Variants in POU6F2 observed in about 807,000 individuals in gnomAD.
The protein encoded by POU6F2 is POU domain, class 6, transcription factor 2.
POU6F2 carries 31 observed loss-of-function variants against 71.3 expected under a neutral mutation model. That is an observed-to-expected ratio of 0.43 (90% confidence interval 0.33 to 0.59). The LOEUF (loss-of-function observed/expected upper bound fraction) is 0.59, where lower values mean the gene tolerates loss of function less well. Among genes scored for constraint, POU6F2 ranks in the 20% least tolerant of loss-of-function variants. The pLI is 0.04. For missense variants in POU6F2, 783 were observed against 856.8 expected, an observed-to-expected ratio of 0.91 and a Z score of 1.07; for synonymous variants, 347 against 355.7, an observed-to-expected ratio of 0.98 and a Z score of 0.27.
intron 2 of POU6F2, among the ~76,000 whole-genome samples, chr7:39,151,131 C>T (rs1184115846): frequency 6.6e-6 from 1 of 152,082 alleles, no homozygotes; most frequent in African/African-American, 2.4e-5. Context: ...AAATGCACTA[C>T]TGAAGTGGCA....
intron 2 of POU6F2, among the ~76,000 whole-genome samples, chr7:39,197,828 TCAA>T: frequency 6.6e-6 from 1 of 152,342 alleles, no homozygotes; most frequent in Non-Finnish European, 1.5e-5. Flanking sequence ...GTGATGTACC[TCAA>T]CACCACCATA....
intron 4 of POU6F2, among the ~76,000 whole-genome samples, chr7:39,314,799 A>G (rs1359337350): frequency 6.6e-6 from 1 of 152,244 alleles, no homozygotes; most frequent in African/African-American, 2.4e-5. Flanking sequence ...TGAATAAAAA[A>G]AGAATTGTTC....
chr7:39,143,569 A>G (rs1792551878), intron 2 of POU6F2, among the ~76,000 whole-genome samples: 1 of 152,190 alleles, frequency 6.6e-6, no homozygotes, highest in Non-Finnish European at 1.5e-5. Context: ...TATAAGCAAG[A>G]TGGCTTGACT....
intron 8 of POU6F2, among the ~76,000 whole-genome samples, chr7:39,459,499 C>G (rs571879017): frequency 6.8e-6 from 1 of 147,650 alleles, no homozygotes; most frequent in Admixed American, 6.7e-5. Flanking sequence ...TTTTGTTTCA[C>G]GACAACTAGA....
chr7:39,396,156 A>G lies in POU6F2; in HGVS notation c.973-10444A>G, dbSNP rs188314611. Among the ~76,000 whole-genome samples, 3 of 152,332 alleles carry G rather than the reference A, an allele frequency of 2.0e-5. 1 individual carries two copies. Among genetic ancestry groups the G allele is most frequent in the East Asian group, 1.9e-4 (1 of 5,186 alleles). ...GCTTGTAGTAATACAGTATTTGTCTACATATAACTTGGATAAAATCTGATT... is the reference window on the plus strand; with the variant it reads ...GCTTGTAGTAATACAGTATTTGTCTGCATATAACTTGGATAAAATCTGATT... On this transcript the variant is annotated intron_variant, in intron 5 of 9. Coordinates refer to ENST00000518318, the MANE Select transcript of POU6F2 (RefSeq NM_001370959.1).
intron 4 of POU6F2, among the ~76,000 whole-genome samples, chr7:39,292,908 A>G (rs796247235): frequency 3.3e-5 from 5 of 152,296 alleles, no homozygotes; most frequent in African/African-American, 1.2e-4. Flanking sequence ...CTCAAAACCA[A>G]AAAAGAAAAC....
chr7:39,266,940 C>T (rs1784257828), intron 4 of POU6F2, among the ~76,000 whole-genome samples: 1 of 152,140 alleles, frequency 6.6e-6, no homozygotes, highest in Admixed American at 6.6e-5. Flanking sequence ...AACACCAGAA[C>T]TTATTCCCCC....
intron 4 of POU6F2, among the ~76,000 whole-genome samples, chr7:39,224,082 C>A (rs1281903385): frequency 6.6e-6 from 1 of 152,182 alleles, no homozygotes; most frequent in South Asian, 2.1e-4. Flanking sequence ...ACAGGCTGCC[C>A]CATACTCTAG....
chr7:39,382,538 ATGTGGTGGG>A (rs1345604944), intron 5 of POU6F2, among the ~76,000 whole-genome samples: 1 of 152,326 alleles, frequency 6.6e-6, no homozygotes, highest in African/African-American at 2.4e-5. Context: ...CCAGGAATTC[ATGTGGTGGG>A]CCCACTGGCC....
intron 6 of POU6F2, among the ~76,000 whole-genome samples, chr7:39,407,041 A>AG (rs1787449634): frequency 6.6e-6 from 1 of 152,172 alleles, no homozygotes; most frequent in Non-Finnish European, 1.5e-5. Context: ...TCTTTCAAAA[A>AG]GAAAAAAGTT....
intron 4 of POU6F2, among the ~76,000 whole-genome samples, chr7:39,289,074 A>G (rs1236536296): frequency 6.6e-6 from 1 of 152,188 alleles, no homozygotes; most frequent in East Asian, 1.9e-4. Flanking sequence ...ACATCTTGAA[A>G]TATGTTAGGG....
chr7:39,403,938 C>T (rs1467453909), intron 5 of POU6F2, among the ~76,000 whole-genome samples: 2 of 152,202 alleles, frequency 1.3e-5, no homozygotes, highest in East Asian at 3.8e-4. Context: ...GGTTCTAGCT[C>T]TAGTTCTACA....
In POU6F2 at chr7:39,015,700, T is replaced by TATATATAGATATATAACATATAGATATA. The variant is rs1554308032; in HGVS notation, c.105+37648_105+37649insAGATATATAACATATAGATATAATATAT. Among the ~76,000 whole-genome samples, 11 of 84,490 alleles carry TATATATAGATATATAACATATAGATATA rather than the reference T, an allele frequency of 1.3e-4. 1 individual carries two copies. In the East Asian group the frequency reaches 2.8e-3, roughly 22 times the overall value. 55.4% of individuals were successfully genotyped at this position (84,490 alleles called of 152,430 possible). ...ATCTATGTTATATATCTATATATTATATATATCTATGTTATATAGAGATAT... is the reference window on the plus strand; with the variant it reads ...ATCTATGTTATATATCTATATATTATATATATAGATATATAACATATAGATATAATATATCTATGTTATATAGAGATAT... On this transcript the variant is annotated intron_variant, in intron 1 of 9. Coordinates refer to ENST00000518318, the MANE Select transcript of POU6F2 (RefSeq NM_001370959.1).
chr7:38,992,605 A>G (rs1788632810), intron 1 of POU6F2, among the ~76,000 whole-genome samples: 1 of 152,198 alleles, frequency 6.6e-6, no homozygotes, highest in African/African-American at 2.4e-5. Context: ...TTACATGGGG[A>G]CCAGATAAAC....
chr7:39,220,597 A>C (rs192554508), intron 4 of POU6F2, among the ~76,000 whole-genome samples: 7 of 152,258 alleles, frequency 4.6e-5, no homozygotes, highest in African/African-American at 1.4e-4. Context: ...AAGACTCTGC[A>C]CTCAGGCAAA....
chr7:39,295,113 A>C (rs548894212), intron 4 of POU6F2, among the ~76,000 whole-genome samples: 1 of 151,700 alleles, frequency 6.6e-6, no homozygotes, highest in African/African-American at 2.4e-5. Context: ...GCATTCTGGT[A>C]GTCCTAAGCA....
intron 4 of POU6F2, among the ~76,000 whole-genome samples, chr7:39,314,430 T>C (rs1785224811): frequency 6.6e-6 from 1 of 152,230 alleles, no homozygotes; most frequent in Non-Finnish European, 1.5e-5. Context: ...AAAGACCTTA[T>C]GTGAGTGAGC....
chr7:39,304,940 C>G (rs1354695093), intron 4 of POU6F2, among the ~76,000 whole-genome samples: 2 of 152,200 alleles, frequency 1.3e-5, no homozygotes, highest in Non-Finnish European at 2.9e-5. Flanking sequence ...AAAAGTCTTT[C>G]AGTTAAGTAA....
At chr7:39,391,431 A>G (rs1300609530) in intron 5 of POU6F2, among the ~76,000 whole-genome samples, 1 of 152,154 alleles carries the variant, frequency 6.6e-6, no homozygotes, top group African/African-American at 2.4e-5. Flanking sequence ...AGAAGTATAG[A>G]GGCATAATGA....
Sources: gnomAD v4.1 joint callset for allele counts (sites outside exome capture counted in the v4.1 genomes callset) on GRCh38, gnomAD v4.1.1 for gene constraint, MANE v1.5 for transcripts, NCBI Gene and HGNC (gene_info 2026-07-23, HGNC 2026-07-21) for gene names.